SIK3: variants seen among roughly 807,000 people sequenced by gnomAD.
SIK3 encodes the protein SIK family kinase 3, also known as serine/threonine-protein kinase SIK3.
In SIK3, 28 loss-of-function variants were observed where a neutral mutation model predicts 144.2. That is an observed-to-expected ratio of 0.19 (90% CI 0.14 to 0.27). SIK3 has a LOEUF of 0.27. Among genes scored for constraint, SIK3 ranks in the 10% least tolerant of loss-of-function variants. The probability of loss-of-function intolerance (pLI) is 1.00; values close to 1 mark genes in which losing one functional copy is unlikely to be tolerated. For missense variants in SIK3, 1,319 were observed against 1,776.0 expected (o/e 0.74, Z 4.62); for synonymous variants, 686 against 676.3 (o/e 1.01, Z -0.22).
In SIK3 at chr11:116,904,795, C is replaced by G. The variant is rs1030147371; in HGVS notation, c.617-7478G>C. 5.1e-5 allele frequency: 8 copies of G among 155,620 alleles called. No individual in the cohort carries two copies. In the Admixed American group the frequency reaches 5.2e-4, roughly 10 times the overall value. The allele number at this position is 155,620 out of a possible 1,614,324, so 9.6% of individuals were successfully genotyped here. A position where few individuals can be genotyped will look rare whatever the true frequency, so the allele number is the denominator to read the frequency against. ...GTCTTGCTGTGTTGCCCAGGCTGGT[C>G]TCGAACTCCTGAGCTCACATGATCC... On this transcript the variant is annotated intron_variant, in intron 4 of 24. Transcript: ENST00000445177.
At chr11:117,015,887 AT>A (rs1256577077) in intron 1 of SIK3, 1 of 152,144 alleles carries the variant, frequency 6.6e-6, no homozygotes, top group East Asian at 1.9e-4. Context: ...CTTTAGAAAA[AT>A]GTTTGACAGG....
intron 3 of SIK3, among the ~76,000 whole-genome samples, chr11:116,935,318 T>A (rs937532437): frequency 2.0e-5 from 3 of 151,622 alleles, no homozygotes; most frequent in Non-Finnish European, 4.4e-5. Flanking sequence ...TTTATTATTA[T>A]AAATTAACTC....
chr11:117,020,362 A>T (rs1365953982), intron 1 of SIK3, among the ~76,000 whole-genome samples: 1 of 151,662 alleles, frequency 6.6e-6, no homozygotes, highest in East Asian at 1.9e-4. Flanking sequence ...GTTCCTGAAC[A>T]GCTCCAGAGT....
chr11:117,010,777 CAT>C (rs1951219260), intron 1 of SIK3, among the ~76,000 whole-genome samples: 2 of 152,130 alleles, frequency 1.3e-5, no homozygotes, highest in African/African-American at 4.8e-5. Context: ...ATGTAAATAA[CAT>C]ATGTATAAAT....
chr11:117,004,611 A>C (rs1431606267), intron 1 of SIK3, among the ~76,000 whole-genome samples: 1 of 152,204 alleles, frequency 6.6e-6, no homozygotes, highest in Non-Finnish European at 1.5e-5. Context: ...TTCTGACAAA[A>C]GATAATGGGG....
chr11:117,051,269 C>A (rs1242670143), intron 1 of SIK3, among the ~76,000 whole-genome samples: 1 of 152,108 alleles, frequency 6.6e-6, no homozygotes, highest in Non-Finnish European at 1.5e-5. Context: ...AATTCCCAGG[C>A]CTTCAGCCTT....
chr11:116,992,967 A>G (rs1017392445), intron 1 of SIK3, among the ~76,000 whole-genome samples: 1 of 152,224 alleles, frequency 6.6e-6, no homozygotes, highest in Non-Finnish European at 1.5e-5. Context: ...CCTGGGTGAC[A>G]GAGTGAGATT....
intron 1 of SIK3, among the ~76,000 whole-genome samples, chr11:117,018,411 A>G (rs1951625498): frequency 6.6e-6 from 1 of 152,206 alleles, no homozygotes; most frequent in Non-Finnish European, 1.5e-5. Context: ...GCATTCACTA[A>G]TTCTGACCAA....
intron 1 of SIK3, among the ~76,000 whole-genome samples, chr11:117,083,233 C>A (rs1040441896): frequency 1.3e-5 from 2 of 152,056 alleles, no homozygotes; most frequent in African/African-American, 4.8e-5. Flanking sequence ...AAAATGAGAT[C>A]GGAAGAGGCA....
chr11:117,052,196 T>TA (rs1953281569), intron 1 of SIK3, among the ~76,000 whole-genome samples: 1 of 152,154 alleles, frequency 6.6e-6, no homozygotes, highest in African/African-American at 2.4e-5. Context: ...TGGAGAATCC[T>TA]AATACAAGTC....
At chr11:117,018,577 T>C (rs1310832060) in intron 1 of SIK3, among the ~76,000 whole-genome samples, 1 of 152,078 alleles carries the variant, frequency 6.6e-6, no homozygotes, top group East Asian at 1.9e-4. Flanking sequence ...CAAACCAGCC[T>C]AATTAACTGC....
intron 1 of SIK3, among the ~76,000 whole-genome samples, chr11:117,065,422 A>AT (rs993495811): frequency 4.6e-5 from 7 of 151,678 alleles, no homozygotes; most frequent in African/African-American, 1.2e-4. Context: ...TGAATTTTTC[A>AT]TTTTTTTTAC....
intron 1 of SIK3, among the ~76,000 whole-genome samples, chr11:116,987,389 T>C (rs886291829): frequency 6.7e-6 from 1 of 149,738 alleles, no homozygotes; most frequent in African/African-American, 2.5e-5. Context: ...ATTGAATAGA[T>C]GTTCTGAGAG....
rs1943597349 is a variant in SIK3 at position 116,865,714 on chromosome 11, C to A, written c.1953-1896G>T. 1.3e-5 allele frequency among the ~76,000 whole-genome samples: 2 copies of A among 152,086 alleles called. 1 individual carries two copies. The highest frequency in any genetic ancestry group is 4.1e-4 in the South Asian group (2 of 4,826). ...ATGTTGAACTTCATCTCTTCTACCCCAGAAGGATAGCTATATATACTGTTC... is the reference window on the plus strand; with the variant it reads ...ATGTTGAACTTCATCTCTTCTACCCAAGAAGGATAGCTATATATACTGTTC... On this transcript the variant is annotated intron_variant, in intron 15 of 24. Transcript: ENST00000445177.
intron 6 of SIK3, among the ~76,000 whole-genome samples, chr11:116,878,171 C>T (rs1434625805): frequency 6.6e-6 from 1 of 152,140 alleles, no homozygotes; most frequent in Non-Finnish European, 1.5e-5. Context: ...CCATTTCTGA[C>T]TTACACGCTG....
intron 13 of SIK3, among the ~76,000 whole-genome samples, chr11:116,871,716 C>G (rs1943979436): frequency 6.6e-6 from 1 of 152,116 alleles, no homozygotes; most frequent in South Asian, 2.1e-4. Context: ...TTCACAGGCA[C>G]TGGACAACTG....
At chr11:116,870,271 C>A in intron 14 of SIK3, 60 bp downstream of exon 14, 2 of 1,607,390 alleles carry the variant, frequency 1.2e-6, no homozygotes, top group Non-Finnish European at 1.7e-6. Context: ...GGTGACCTTT[C>A]GCTGGTTGCA....
chr11:117,029,119 G>C (rs1038054351), intron 1 of SIK3, among the ~76,000 whole-genome samples: 1 of 152,118 alleles, frequency 6.6e-6, no homozygotes, highest in African/African-American at 2.4e-5. Context: ...ATGCTGGCCA[G>C]GCTGGTCTCG....
chr11:116,956,246 A>AATTCCAGCCATCAG lies in SIK3; in HGVS notation c.390+688_390+701dup, dbSNP rs1277282927. On this transcript the variant is annotated intron_variant, in intron 2 of 24. Coordinates refer to ENST00000445177, the MANE Select transcript of SIK3 (RefSeq NM_001366686.3). The stretch of plus-strand genomic sequence containing the variant: ...GGTCCTCTCCTCCTATCCCGCTTGA[A>AATTCCAGCCATCAG]ATTCCAGCCATCAGATTTACTGCTT... Among the ~76,000 whole-genome samples the AATTCCAGCCATCAG allele has an allele frequency of 2.6e-5, 4 of 152,102 alleles. No homozygotes were observed. The East Asian group carries it at 7.7e-4, about 29-fold the overall frequency.
Sources: gnomAD v4.1 joint callset for allele counts (sites outside exome capture counted in the v4.1 genomes callset) on GRCh38, gnomAD v4.1.1 for gene constraint, MANE v1.5 for transcripts, NCBI Gene and HGNC (gene_info 2026-07-23, HGNC 2026-07-21) for gene names.